SHISA9: variants seen among roughly 807,000 people sequenced by gnomAD.
SHISA9 encodes protein shisa-9.
Under a neutral mutation model 38.0 loss-of-function variants are expected in SHISA9, and 13 were observed. That is an observed-to-expected ratio of 0.34 (90% CI 0.22 to 0.54). SHISA9 has a LOEUF of 0.54. Ranked by LOEUF, SHISA9 falls within the 20% of genes least tolerant of loss-of-function variation. The pLI is 0.91. For missense variants in SHISA9, 538 were observed against 575.8 expected (o/e 0.93, Z 0.67); for synonymous variants, 275 against 242.0 (o/e 1.14, Z -1.27).
At chr16:13,346,048 TG>T in the SHISA9 span, among the ~76,000 whole-genome samples, 1 of 152,206 alleles carries the variant, frequency 6.6e-6, no homozygotes, top group Non-Finnish European at 1.5e-5. Flanking sequence ...GGGCTTTTAG[TG>T]TAACCATCAC....
At chr16:13,306,589 C>G in the SHISA9 span, among the ~76,000 whole-genome samples, 1 of 152,146 alleles carries the variant, frequency 6.6e-6, no homozygotes, top group Admixed American at 6.5e-5. Context: ...CTGCAGTCAG[C>G]TAAAGGCTTG....
At chr16:13,484,412 C>T in the SHISA9 span, among the ~76,000 whole-genome samples, 2 of 152,276 alleles carry the variant, frequency 1.3e-5, no homozygotes, top group African/African-American at 4.8e-5. Context: ...CTCTACAGCA[C>T]CAGTACAGGA....
At chr16:13,469,417 G>GAA in the SHISA9 span, among the ~76,000 whole-genome samples, 2 of 112,180 alleles carry the variant, frequency 1.8e-5, no homozygotes, top group African/African-American at 3.3e-5. Flanking sequence ...AAGAAAGAAA[G>GAA]AAAGAAAAAG....
At chr16:12,974,691 C>G (rs2072133489) in intron 2 of SHISA9, among the ~76,000 whole-genome samples, 1 of 151,866 alleles carries the variant, frequency 6.6e-6, no homozygotes, top group Non-Finnish European at 1.5e-5. Context: ...CCATGTTGAC[C>G]AGGCTGGTCT....
intron 2 of SHISA9, among the ~76,000 whole-genome samples, chr16:13,167,074 T>TTTC (rs1567233155): frequency 3.5e-5 from 5 of 143,986 alleles, no homozygotes; most frequent in South Asian, 4.5e-4. Context: ...TCTTTTTTCT[T>TTTC]TTTTTTTTTT....
chr16:13,092,891 C>T (rs1243785689), intron 2 of SHISA9, among the ~76,000 whole-genome samples: 1 of 152,222 alleles, frequency 6.6e-6, no homozygotes, highest in Non-Finnish European at 1.5e-5. Context: ...AGAAATCACC[C>T]ATCTTCTGCG....
chr16:13,539,418 C>G, the SHISA9 span, among the ~76,000 whole-genome samples: 1 of 141,888 alleles, frequency 7.0e-6, no homozygotes, highest in African/African-American at 2.6e-5. Flanking sequence ...TCAAGCAAGC[C>G]TCCTGCTTTG....
chr16:13,057,117 G>A (rs2073320063), intron 2 of SHISA9, among the ~76,000 whole-genome samples: 1 of 152,240 alleles, frequency 6.6e-6, no homozygotes, highest in South Asian at 2.1e-4. Context: ...GGGCTGCTGA[G>A]CATGTAATGC....
At chr16:13,008,174 G>A (rs1057079445) in intron 2 of SHISA9, among the ~76,000 whole-genome samples, 1 of 152,158 alleles carries the variant, frequency 6.6e-6, no homozygotes, top group African/African-American at 2.4e-5. Flanking sequence ...TGGATTGATA[G>A]CCTGGCATCC....
chr16:13,387,948 A>G, the SHISA9 span, among the ~76,000 whole-genome samples: 2 of 152,224 alleles, frequency 1.3e-5, no homozygotes, highest in South Asian at 4.2e-4. Flanking sequence ...AAAGACATGT[A>G]TCTCCTGGAT....
chr16:13,171,441 T>C (rs1226224685), intron 2 of SHISA9, among the ~76,000 whole-genome samples: 1 of 144,444 alleles, frequency 6.9e-6, no homozygotes, highest in African/African-American at 2.6e-5. Context: ...GAGGGACTTG[T>C]GCAGTGCTGG....
At chr16:13,290,819 C>T in the SHISA9 span, among the ~76,000 whole-genome samples, 5 of 152,250 alleles carry the variant, frequency 3.3e-5, no homozygotes, top group African/African-American at 1.2e-4. Context: ...CCAACCTGCT[C>T]ATCACACAGA....
At chr16:13,550,895 G>C in the SHISA9 span, among the ~76,000 whole-genome samples, 1 of 151,992 alleles carries the variant, frequency 6.6e-6, no homozygotes, top group Non-Finnish European at 1.5e-5. Flanking sequence ...AGGCCAACGT[G>C]GGCGGATCAA....
In SHISA9 at chr16:13,114,970, A is replaced by G. The variant is rs370019087; in HGVS notation, c.692-88424A>G. ...TCTCTCCCTGTATCTTTGTATCTATATATGTATCTATCTATCTATCGATCA... is the reference window on the plus strand; with the variant it reads ...TCTCTCCCTGTATCTTTGTATCTATGTATGTATCTATCTATCTATCGATCA... On this transcript the variant is annotated intron_variant, in intron 2 of 4. Transcript: ENST00000558583. Among the ~76,000 whole-genome samples the G allele has an allele frequency of 2.6e-4, 39 of 151,514 alleles. 1 individual carries two copies. The East Asian group carries it at 7.4e-3, about 29-fold the overall frequency.
chr16:13,491,984 G>T, the SHISA9 span, among the ~76,000 whole-genome samples: 52 of 151,130 alleles, frequency 3.4e-4, no homozygotes, highest in Admixed American at 3.4e-3. Flanking sequence ...GCTAAGGGCT[G>T]GGATTTTAAA....
At chr16:13,386,550 T>G in the SHISA9 span, among the ~76,000 whole-genome samples, 129 of 152,338 alleles carry the variant, frequency 8.5e-4, no homozygotes, top group African/African-American at 3.0e-3. Context: ...TCTAATAAAT[T>G]AATACATATC....
At chr16:13,064,784 C>CAAAAAAAAAAAAAAAAAA (rs72435637) in intron 2 of SHISA9, among the ~76,000 whole-genome samples, 3 of 82,366 alleles carry the variant, frequency 3.6e-5, no homozygotes, top group Non-Finnish European at 5.9e-5. Flanking sequence ...AGTTGTAAGG[C>CAAAAAAAAAAAAAAAAAA]AAAAAAAAAA....
chr16:13,184,422 G>A (rs1028514478), intron 2 of SHISA9, among the ~76,000 whole-genome samples: 20 of 152,092 alleles, frequency 1.3e-4, no homozygotes, highest in Admixed American at 5.2e-4. Context: ...GTTACTCTAC[G>A]TTTCTAAGTA....
downstream of SHISA9, among the ~76,000 whole-genome samples, chr16:13,241,506 C>A (rs879270673): frequency 7.2e-5 from 11 of 151,804 alleles, no homozygotes; most frequent in Admixed American, 7.2e-4. Flanking sequence ...AACTCCATCT[C>A]AAAAAAAGAG....
Sources: allele counts gnomAD v4.1 joint callset (sites outside exome capture counted in the v4.1 genomes callset), GRCh38; gene constraint gnomAD v4.1.1; transcripts MANE v1.5; gene names NCBI Gene and HGNC (gene_info 2026-07-23, HGNC 2026-07-21).